The following DYNC2H1 variants were observed in gnomAD, a reference collection of about 807,000 sequenced individuals.
DYNC2H1 encodes dynein cytoplasmic 2 heavy chain 1, also known as cytoplasmic dynein 2 heavy chain 1.
DYNC2H1 carries 410 observed loss-of-function variants against 570.0 expected under a neutral mutation model. That is an observed-to-expected ratio of 0.72 (90% CI 0.66 to 0.78). The LOEUF (loss-of-function observed/expected upper bound fraction) is 0.78, where lower values mean the gene tolerates loss of function less well. Among genes scored for constraint, DYNC2H1 ranks in the 30% least tolerant of loss-of-function variants. The pLI is 0.00. For missense variants in DYNC2H1, 4,865 were observed against 5,046.4 expected, an observed-to-expected ratio of 0.96 and a Z score of 1.09; for synonymous variants, 1,688 against 1,677.6, an observed-to-expected ratio of 1.01 and a Z score of -0.15.
At chr11:103,455,112 T>C (rs1944740459) in intron 85 of DYNC2H1, 74 bp from the exon 86 acceptor site, 17 of 1,058,538 alleles carry the variant, frequency 1.6e-5, no homozygotes, top group Middle Eastern at 2.1e-4. Flanking sequence ...TACTTTCTTA[T>C]TGAAAATGAC....
rs762754053 is a variant in DYNC2H1, at chr11:103,163,141, T to C, written c.4605T>C (p.Pro1535=). The C allele has an allele frequency of 2.5e-6, 4 of 1,610,168 alleles. No individual in the cohort carries two copies. The highest frequency in any genetic ancestry group is 3.4e-6 in the Non-Finnish European group (4 of 1,177,508). Residue 1535 remains proline, a synonymous_variant, in exon 30 of 89, where the codon CCT becomes CCC. Transcript: ENST00000375735. This position sits in a 1 kb window ranked among gnomAD's most constrained non-coding sequence, Gnocchi z 4.6. ...SQGAVDPSLF[P]SQILCLAEQI... ...GTGCAGTTGACCCATCTCTGTTCCCTTCACAGGTAAGGGGGCTTACGTGTA... is the reference window on the plus strand; with the variant it reads ...GTGCAGTTGACCCATCTCTGTTCCCCTCACAGGTAAGGGGGCTTACGTGTA...
rs773531263 is a variant in DYNC2H1 at position 103,117,857 on chromosome 11, T to G, written c.993T>G (p.Leu331=). 8.7e-6 allele frequency: 14 copies of G among 1,609,490 alleles called. No homozygotes were observed. Among genetic ancestry groups the G allele is most frequent in the South Asian group, 1.1e-5 (1 of 90,504 alleles). Residue 331 remains leucine, a synonymous_variant, in exon 6 of 89, where the codon CTT becomes CTG. Coordinates refer to ENST00000375735, the MANE Select transcript of DYNC2H1 (RefSeq NM_001377.3). ...CACTTGACAAACTTGGCAAACGCCT[T>G]GAAGAGGTATCAATTTGATTATCTA... ...PETLDKLGKR[L]EEVLAIRTIH... is the part of the protein sequence containing the mutation.
intron 70 of DYNC2H1, among the ~76,000 whole-genome samples, chr11:103,267,557 A>G (rs1865559325): frequency 6.6e-6 from 1 of 152,024 alleles, no homozygotes. Context: ...TGATAGTTTC[A>G]TTAGTTATAG....
intron 82 of DYNC2H1, among the ~76,000 whole-genome samples, chr11:103,355,508 T>G (rs1940292745): frequency 6.6e-6 from 1 of 152,164 alleles, no homozygotes; most frequent in East Asian, 1.9e-4. Context: ...TGGTATTGTT[T>G]GATCAGAAAT....
intron 82 of DYNC2H1, among the ~76,000 whole-genome samples, chr11:103,349,690 C>G (rs566815063): frequency 6.6e-6 from 1 of 152,134 alleles, no homozygotes; most frequent in Non-Finnish European, 1.5e-5. Flanking sequence ...CAGGTTCATT[C>G]TCAATTTGCT....
intron 84 of DYNC2H1, 114 bp from the exon 85 acceptor site, chr11:103,435,829 T>A (rs1422685815): frequency 1.2e-6 from 1 of 804,956 alleles, no homozygotes; most frequent in African/African-American, 1.7e-5. Flanking sequence ...CTTAATGAAT[T>A]TCATATGTAT....
At chr11:103,128,477 A>G (rs61898608) in intron 12 of DYNC2H1, among the ~76,000 whole-genome samples, 13,470 of 152,280 alleles carry the variant, frequency 0.088, 774 homozygotes, top group Non-Finnish European at 0.12. Flanking sequence ...GATGTGGAAT[A>G]TGAGAGAAGC....
At chr11:103,148,720 A>ATT (rs1297483667) in intron 20 of DYNC2H1, 103 bp downstream of exon 20, 12 of 1,351,094 alleles carry the variant, frequency 8.9e-6, no homozygotes, top group East Asian at 5.2e-5. Flanking sequence ...TAATCTCAAC[A>ATT]TTATAAGGAG....
In DYNC2H1 at chr11:103,229,063, T is replaced by G. The variant is rs545678367; in HGVS notation, c.9354-2197T>G. ...CACCGGCCTCCTATGTAGTCTGCAG[T>G]CCTAAAGGCTGGTCTCACTCCCACC... is the stretch of plus-strand genomic sequence containing the variant. On this transcript the variant is annotated intron_variant, in intron 59 of 88. Transcript: ENST00000375735. Among the ~76,000 whole-genome samples the G allele has an allele frequency of 2.0e-5, 3 of 152,264 alleles. No individual in the cohort carries two copies. The East Asian group carries it at 5.8e-4, about 29-fold the overall frequency.
chr11:103,248,791 C>T (rs1325454180), intron 65 of DYNC2H1, among the ~76,000 whole-genome samples: 1 of 151,970 alleles, frequency 6.6e-6, no homozygotes, highest in Admixed American at 6.6e-5. Context: ...CTGATTGTTA[C>T]AGAAGTAACC....
At chr11:103,128,283 A>G (rs1373390574) in intron 12 of DYNC2H1, among the ~76,000 whole-genome samples, 1 of 152,124 alleles carries the variant, frequency 6.6e-6, no homozygotes, top group East Asian at 1.9e-4. Flanking sequence ...AAAGAAGGCC[A>G]CTCTGGCTGC....
rs2135362956 is a variant in DYNC2H1, at chr11:103,289,302, G to C, written c.11095+1697G>C. Among the ~76,000 whole-genome samples the C allele has an allele frequency of 6.6e-6, 1 of 152,112 alleles. No homozygotes were observed. Among genetic ancestry groups the C allele is most frequent in the Middle Eastern group, 3.4e-3 (1 of 294 alleles). On this transcript the variant is annotated intron_variant, in intron 75 of 88. Transcript: ENST00000375735. This position sits in a 1 kb window ranked among gnomAD's most constrained non-coding sequence, Gnocchi z 4.2. ...GGCTCTGTCTTGGTAAATCAACTCT[G>C]TCTAGGCAATGGGCAAGGTGAACCC... is the stretch of plus-strand genomic sequence containing the variant.
Position 103,321,079 on chromosome 11 carries a change from A to G in DYNC2H1, c.11776A>G (p.Ile3926Val), listed in dbSNP as rs1454901287. The change falls in exon 81 of 89, where the codon ATT becomes GTT. Residue 3926 changes from isoleucine (I) to valine (V), a missense_variant. By Grantham distance (29) the Ile-to-Val change is conservative. Transcript: ENST00000375735. ...EFVHGLLENA[I>V]YGGRIDNYFD... ...TGTACATGGTTTACTTGAAAATGCT[A>G]TTTATGGAGGACGTATAGACAACTA... 2 of 1,612,732 alleles carry G rather than the reference A, an allele frequency of 1.2e-6. No individual in the cohort carries two copies. The highest frequency in any genetic ancestry group is 1.3e-5 in the African/African-American group (1 of 74,890).
At chr11:103,161,680 A>G (rs2408539) in intron 29 of DYNC2H1, among the ~76,000 whole-genome samples, 7 of 152,140 alleles carry the variant, frequency 4.6e-5, no homozygotes, top group Non-Finnish European at 1.0e-4. Flanking sequence ...TGCTTGGAAC[A>G]TGGTACTCAA....
chr11:103,353,971 G>C (rs1275979245), intron 82 of DYNC2H1, among the ~76,000 whole-genome samples: 3 of 151,770 alleles, frequency 2.0e-5, no homozygotes, highest in Admixed American at 1.3e-4. Context: ...GAGGTCAGGG[G>C]ATCAAGACCA....
In DYNC2H1 at chr11:103,305,805, G is replaced by C. The variant is rs904105470; in HGVS notation, c.11382+1085G>C. On this transcript the variant is annotated intron_variant, in intron 77 of 88. Transcript: ENST00000375735. This position sits in a 1 kb window ranked among gnomAD's most constrained non-coding sequence, Gnocchi z 4.3. The stretch of plus-strand genomic sequence containing the variant: ...GATTCATTACTTGTAATCAAGAGAA[G>C]ATACAGATTTTGGACTATGAATATT... 2.0e-5 allele frequency among the ~76,000 whole-genome samples: 3 copies of C among 152,172 alleles called. No individual in the cohort carries two copies. Among genetic ancestry groups the C allele is most frequent in the African/African-American group, 7.2e-5 (3 of 41,444 alleles).
chr11:103,347,214 G>T (rs1348159617), intron 82 of DYNC2H1, among the ~76,000 whole-genome samples: 4 of 152,126 alleles, frequency 2.6e-5, no homozygotes, highest in African/African-American at 9.7e-5. Flanking sequence ...TAGGTTAATG[G>T]CAGGCAAAAG....
chr11:103,214,648 G>A (rs1404018313), intron 54 of DYNC2H1, among the ~76,000 whole-genome samples: 7 of 151,626 alleles, frequency 4.6e-5, no homozygotes. Context: ...TCATCATGTT[G>A]GCCAGGCTGG....
At chr11:103,182,354 A>C (rs2135013694) in intron 40 of DYNC2H1, among the ~76,000 whole-genome samples, 1 of 151,522 alleles carries the variant, frequency 6.6e-6, no homozygotes, top group East Asian at 1.9e-4. Flanking sequence ...GGTTAAAAAC[A>C]ATATGAAGTT....
Sources: allele counts gnomAD v4.1 joint callset (sites outside exome capture counted in the v4.1 genomes callset), GRCh38; gene constraint gnomAD v4.1.1; non-coding constraint Gnocchi (gnomAD v3.1); transcripts MANE v1.5; gene names NCBI Gene and HGNC (gene_info 2026-07-23, HGNC 2026-07-21).